The following SARNP variants were observed in gnomAD, a reference collection of about 807,000 sequenced individuals.
SARNP encodes the protein SAP domain-containing ribonucleoprotein.
In SARNP, 5 loss-of-function variants were observed where a neutral mutation model predicts 38.1. The observed-to-expected ratio is 0.13, with a 90% confidence interval of 0.07 to 0.28. SARNP has a LOEUF of 0.28. Among genes scored for constraint, SARNP ranks in the 10% least tolerant of loss-of-function variants. The pLI is 1.00. For synonymous variants in SARNP, 84 were observed against 80.6 expected (o/e 1.04, Z -0.23); for missense variants, 180 against 243.9 (o/e 0.74, Z 1.75).
intron 9 of SARNP, among the ~76,000 whole-genome samples, chr12:55,778,421 A>C (rs1879247323): frequency 6.6e-6 from 1 of 152,208 alleles, no homozygotes; most frequent in African/African-American, 2.4e-5. Flanking sequence ...TGCTGAGATT[A>C]CAAGTGTGAG....
intron 9 of SARNP, among the ~76,000 whole-genome samples, chr12:55,772,712 C>CTTTTTT (rs11428581): frequency 7.7e-6 from 1 of 130,300 alleles, no homozygotes; most frequent in Non-Finnish European, 1.6e-5. Context: ...GAAGCTGAAA[C>CTTTTTT]TTTTTTTTTT....
At chr12:55,795,025 T>C (rs1879782171) in intron 5 of SARNP, 145 bp from the exon 6 acceptor site, 1 of 551,054 alleles carries the variant, frequency 1.8e-6, no homozygotes, top group East Asian at 3.2e-5. Flanking sequence ...AGTGGCATGA[T>C]CTCGGCTCAC....
intron 9 of SARNP, among the ~76,000 whole-genome samples, chr12:55,769,155 C>G (rs1878933468): frequency 6.6e-6 from 1 of 152,184 alleles, no homozygotes; most frequent in African/African-American, 2.4e-5. Context: ...AGGATCTAAC[C>G]TCTATCTATG....
At chr12:55,799,219 T>C (rs1252871202) in intron 4 of SARNP, among the ~76,000 whole-genome samples, 1 of 152,230 alleles carries the variant, frequency 6.6e-6, no homozygotes, top group African/African-American at 2.4e-5. Flanking sequence ...CTCCACTATG[T>C]ACTGACTTTT....
intron 9 of SARNP, among the ~76,000 whole-genome samples, chr12:55,764,825 T>A (rs888035713): frequency 7.6e-6 from 1 of 131,054 alleles, no homozygotes; most frequent in African/African-American, 3.2e-5. Flanking sequence ...AGCCAGACTC[T>A]GTCTCACAAA....
intron 9 of SARNP, among the ~76,000 whole-genome samples, chr12:55,781,943 TG>T (rs996046690): frequency 4.6e-5 from 7 of 152,334 alleles, no homozygotes; most frequent in African/African-American, 1.7e-4. Flanking sequence ...CTCGAACTCC[TG>T]GGATCAAACT....
At chr12:55,817,384 T>G (rs564224038) in intron 1 of SARNP, among the ~76,000 whole-genome samples, 2 of 152,084 alleles carry the variant, frequency 1.3e-5, no homozygotes, top group Non-Finnish European at 2.9e-5. Context: ...ACGAAGAGTA[T>G]AACAGGTAGA....
chr12:55,794,195 A>C, intron 7 of SARNP, 164 bp downstream of exon 7: 3 of 644,920 alleles, frequency 4.7e-6, no homozygotes, highest in Non-Finnish European at 8.2e-6. Flanking sequence ...ATTGCCCAGG[A>C]AGGCCTAAGT....
intron 9 of SARNP, among the ~76,000 whole-genome samples, chr12:55,776,795 C>G (rs1253019846): frequency 6.6e-6 from 1 of 152,150 alleles, no homozygotes; most frequent in Non-Finnish European, 1.5e-5. Context: ...ACCTTATGTA[C>G]TAAGAGTGGT....
intron 9 of SARNP, among the ~76,000 whole-genome samples, chr12:55,777,106 GAA>G (rs1225727515): frequency 1.3e-5 from 2 of 152,202 alleles, no homozygotes; most frequent in East Asian, 1.9e-4. Flanking sequence ...AGGGAAAATA[GAA>G]AAGAGTTTTT....
intron 9 of SARNP, among the ~76,000 whole-genome samples, chr12:55,773,335 A>G (rs1879067155): frequency 6.6e-6 from 1 of 152,160 alleles, no homozygotes; most frequent in Non-Finnish European, 1.5e-5. Flanking sequence ...CATCAAGTCC[A>G]AGTAAGACTC....
chr12:55,808,855 TAGC>T lies in SARNP; in HGVS notation c.37-5130_37-5128del, dbSNP rs1372729780. On this transcript the variant is annotated intron_variant, in intron 1 of 10. Coordinates refer to ENST00000336133, the MANE Select transcript of SARNP (RefSeq NM_033082.4). ...TGCACGTATTTCAGCACAATTACATTAGCAGAACTAAAACCTTTTAAAACTTAA... is the reference window on the plus strand; with the variant it reads ...TGCACGTATTTCAGCACAATTACATTAGAACTAAAACCTTTTAAAACTTAA... Among the ~76,000 whole-genome samples the T allele has an allele frequency of 2.6e-5, 4 of 152,302 alleles. No homozygotes were observed. In the South Asian group the frequency reaches 6.2e-4, roughly 24 times the overall value.
chr12:55,778,655 T>A (rs181648613), intron 9 of SARNP, among the ~76,000 whole-genome samples: 89 of 152,230 alleles, frequency 5.8e-4, no homozygotes, highest in Non-Finnish European at 1.1e-3. Flanking sequence ...AAAGGAGTGG[T>A]TAAATATTTG....
chr12:55,808,168 G>A (rs1370853167), intron 1 of SARNP, among the ~76,000 whole-genome samples: 2 of 152,060 alleles, frequency 1.3e-5, no homozygotes, highest in Non-Finnish European at 2.9e-5. Flanking sequence ...TATTTTAAAA[G>A]GAAAATAGAC....
At chr12:55,772,916 T>C (rs942118378) in intron 9 of SARNP, among the ~76,000 whole-genome samples, 1 of 152,082 alleles carries the variant, frequency 6.6e-6, no homozygotes. Flanking sequence ...GGTTTCTCCA[T>C]GTTGGCCAGG....
At chr12:55,784,567 T>C (rs1353856327) in intron 9 of SARNP, among the ~76,000 whole-genome samples, 3 of 152,256 alleles carry the variant, frequency 2.0e-5, no homozygotes, top group Non-Finnish European at 4.4e-5. Context: ...AAACTGCTTA[T>C]ATTTTCTACA....
intron 9 of SARNP, among the ~76,000 whole-genome samples, chr12:55,781,533 CAA>C (rs56737127): frequency 1.8e-4 from 16 of 86,674 alleles, no homozygotes; most frequent in Admixed American, 2.4e-4. Context: ...AACTCCGTCT[CAA>C]AAAAAAAAAA....
At chr12:55,804,829 TACAGA>T (rs1291560859) in intron 1 of SARNP, among the ~76,000 whole-genome samples, 1 of 152,082 alleles carries the variant, frequency 6.6e-6, no homozygotes, top group Admixed American at 6.6e-5. Flanking sequence ...TGTTTTGGAG[TACAGA>T]TCTATGACCA....
intron 4 of SARNP, among the ~76,000 whole-genome samples, chr12:55,800,265 C>T (rs1163364203): frequency 6.6e-6 from 1 of 151,786 alleles, no homozygotes; most frequent in Non-Finnish European, 1.5e-5. Context: ...TATAGAGTAA[C>T]AGAATAATCT....
Sources: gnomAD v4.1 joint callset for allele counts (sites outside exome capture counted in the v4.1 genomes callset) on GRCh38, gnomAD v4.1.1 for gene constraint, MANE v1.5 for transcripts, NCBI Gene and HGNC (gene_info 2026-07-23, HGNC 2026-07-21) for gene names.